The following C16orf74 variants were observed in gnomAD, a reference collection of about 807,000 sequenced individuals.
The protein encoded by C16orf74 is uncharacterized protein C16orf74.
In C16orf74, 10 loss-of-function variants were observed where a neutral mutation model predicts 6.5. The ratio of observed to expected loss-of-function variants is 1.54; its 90% CI spans 0.95 to 2.61. C16orf74 has a LOEUF of 2.61. Ranked by LOEUF, C16orf74 falls within the 30% of genes most tolerant of loss-of-function variation. The pLI is 0.00. For missense variants in C16orf74, 141 were observed against 105.9 expected, an observed-to-expected ratio of 1.33 and a Z score of -1.45; for synonymous variants, 60 against 42.5, an observed-to-expected ratio of 1.41 and a Z score of -1.60.
intron 1 of C16orf74, among the ~76,000 whole-genome samples, chr16:85,740,616 C>T (rs746697511): frequency 1.2e-4 from 18 of 150,484 alleles, no homozygotes; most frequent in East Asian, 5.9e-4. Context: ...GGCGTGAACC[C>T]GGGAGGCGGA....
chr16:85,719,225 A>C (rs1363772701), intron 2 of C16orf74, among the ~76,000 whole-genome samples: 2 of 152,232 alleles, frequency 1.3e-5, no homozygotes, highest in Non-Finnish European at 2.9e-5. Flanking sequence ...TGTGCCCTGC[A>C]TGGCCCCAGG....
chr16:85,708,109 C>T lies in C16orf74; in HGVS notation c.173-43G>A, dbSNP rs73255141. On this transcript the variant is annotated intron_variant, in intron 3 of 3. Transcript: ENST00000284245. ...TGGACACCTGGATGCACCCTGCCCC[C>T]ACCACACCAAGCCCCGTTTCCCTGG... 269 of 1,491,170 alleles carry T rather than the reference C, an allele frequency of 1.8e-4. 1 individual carries two copies. The African/African-American group carries it at 2.8e-3, about 15-fold the overall frequency. 92.4% of individuals were successfully genotyped at this position (1,491,170 alleles called of 1,614,324 possible).
chr16:85,710,459 G>T, intron 2 of C16orf74, 152 bp from the exon 3 acceptor site: 1 of 612,270 alleles, frequency 1.6e-6, no homozygotes, highest in Non-Finnish European at 2.6e-6. Context: ...CCGCATCACA[G>T]ATGAAAACCG....
At chr16:85,734,431 C>A (rs1364406435) in intron 2 of C16orf74, among the ~76,000 whole-genome samples, 1 of 152,170 alleles carries the variant, frequency 6.6e-6, no homozygotes, top group Non-Finnish European at 1.5e-5. Context: ...GTGGCCTCTG[C>A]CTGGAAGGGG....
chr16:85,713,588 G>A (rs1394174694), intron 2 of C16orf74, among the ~76,000 whole-genome samples: 5 of 152,096 alleles, frequency 3.3e-5, no homozygotes, highest in African/African-American at 7.2e-5. Flanking sequence ...TTCCCCTTTT[G>A]ATAAGGACAC....
intron 1 of C16orf74, among the ~76,000 whole-genome samples, chr16:85,742,456 A>G (rs555226079): frequency 3.7e-4 from 56 of 151,638 alleles, no homozygotes; most frequent in African/African-American, 1.3e-3. Context: ...GCTCCCCTTC[A>G]CCTTCCGCCT....
At chr16:85,710,015 G>A in intron 3 of C16orf74, 149 bp downstream of exon 3, 2 of 629,228 alleles carry the variant, frequency 3.2e-6, no homozygotes. Flanking sequence ...ACGGTGCAGT[G>A]TACACAGGTC....
intron 2 of C16orf74, among the ~76,000 whole-genome samples, chr16:85,724,842 A>T (rs1016276576): frequency 1.3e-5 from 2 of 152,200 alleles, no homozygotes; most frequent in African/African-American, 4.8e-5. Flanking sequence ...TACAGGGATC[A>T]AAAAGACAGC....
At chr16:85,732,984 TG>T (rs2054206160) in intron 2 of C16orf74, among the ~76,000 whole-genome samples, 1 of 151,924 alleles carries the variant, frequency 6.6e-6, no homozygotes, top group Non-Finnish European at 1.5e-5. Flanking sequence ...TGGGTGGAGG[TG>T]GGAGGGCATT....
At chr16:85,711,069 T>C (rs2053964508) in intron 2 of C16orf74, among the ~76,000 whole-genome samples, 1 of 152,072 alleles carries the variant, frequency 6.6e-6, no homozygotes, top group South Asian at 2.1e-4. Context: ...ATGCCAGCAC[T>C]TTCGGAGGCC....
chr16:85,728,725 C>A (rs1006446077), intron 2 of C16orf74, among the ~76,000 whole-genome samples: 1 of 152,164 alleles, frequency 6.6e-6, no homozygotes, highest in Non-Finnish European at 1.5e-5. Flanking sequence ...AGAAAACTCT[C>A]GAGACCTGAC....
At chr16:85,725,164 G>A (rs557753538) in intron 2 of C16orf74, among the ~76,000 whole-genome samples, 19 of 152,280 alleles carry the variant, frequency 1.2e-4, no homozygotes, top group Admixed American at 4.6e-4. Context: ...CTGCTCCCTC[G>A]TTTAAAACAG....
intron 2 of C16orf74, among the ~76,000 whole-genome samples, chr16:85,724,762 G>C (rs942715321): frequency 6.6e-6 from 1 of 152,194 alleles, no homozygotes; most frequent in African/African-American, 2.4e-5. Flanking sequence ...CTAAGGCTGA[G>C]AGCACATTCA....
chr16:85,715,605 G>T (rs1308185704), intron 2 of C16orf74, among the ~76,000 whole-genome samples: 3 of 152,198 alleles, frequency 2.0e-5, no homozygotes, highest in Non-Finnish European at 4.4e-5. Context: ...CTTTGCCACG[G>T]CAGCCTGAAA....
intron 2 of C16orf74, among the ~76,000 whole-genome samples, chr16:85,714,612 G>A (rs1394158350): frequency 1.2e-4 from 18 of 151,164 alleles, no homozygotes; most frequent in African/African-American, 4.4e-4. Context: ...TAGAGACGGC[G>A]TTTCACCATA....
intron 2 of C16orf74, among the ~76,000 whole-genome samples, chr16:85,715,035 T>C (rs142189427): frequency 0.26 from 39,492 of 150,916 alleles, 6,472 homozygotes; most frequent in East Asian, 0.55. Flanking sequence ...CGGGCGCCTG[T>C]AGTCCCAGCT....
intron 1 of C16orf74, among the ~76,000 whole-genome samples, chr16:85,743,918 G>A (rs2054339757): frequency 6.6e-6 from 1 of 152,126 alleles, no homozygotes; most frequent in African/African-American, 2.4e-5. Flanking sequence ...GCCGGGCATG[G>A]TGTTGGGCGC....
intron 2 of C16orf74, among the ~76,000 whole-genome samples, chr16:85,721,024 G>A (rs980786855): frequency 5.3e-5 from 8 of 152,122 alleles, no homozygotes; most frequent in African/African-American, 1.9e-4. Context: ...CCAGGAGGCA[G>A]AGGTTGCAGT....
chr16:85,728,666 A>G (rs1265670061), intron 2 of C16orf74, among the ~76,000 whole-genome samples: 1 of 152,186 alleles, frequency 6.6e-6, no homozygotes, highest in African/African-American at 2.4e-5. Flanking sequence ...CCACCTCCAT[A>G]GCAGGAAGGT....
Sources: gnomAD v4.1 joint callset for allele counts (sites outside exome capture counted in the v4.1 genomes callset) on GRCh38, gnomAD v4.1.1 for gene constraint, MANE v1.5 for transcripts, NCBI Gene and HGNC (gene_info 2026-07-23, HGNC 2026-07-21) for gene names.